SIPA1L1: variants seen among roughly 807,000 people sequenced by gnomAD.
The protein encoded by SIPA1L1 is signal induced proliferation associated 1 like 1, also known as signal-induced proliferation-associated 1-like protein 1.
Under a neutral mutation model 162.7 loss-of-function variants are expected in SIPA1L1, and 26 were observed. The observed-to-expected ratio is 0.16, with a 90% CI of 0.12 to 0.22. The LOEUF (loss-of-function observed/expected upper bound fraction) is 0.22, where lower values mean the gene tolerates loss of function less well. Among genes scored for constraint, SIPA1L1 ranks in the 10% least tolerant of loss-of-function variants. The pLI, the probability that SIPA1L1 is intolerant of heterozygous loss-of-function variation, is 1.00. For missense variants in SIPA1L1, 1,874 were observed against 2,241.0 expected (o/e 0.84, Z 3.31); for synonymous variants, 829 against 837.4 (o/e 0.99, Z 0.17).
chr14:71,550,683 A>C (rs968138801), intron 4 of SIPA1L1, among the ~76,000 whole-genome samples: 2 of 151,568 alleles, frequency 1.3e-5, no homozygotes, highest in African/African-American at 2.4e-5. Flanking sequence ...CTTGTTCCTA[A>C]CTCTGCTTAT....
At chr14:71,337,707 C>T (rs1002462537) in intron 2 of SIPA1L1, among the ~76,000 whole-genome samples, 9 of 152,058 alleles carry the variant, frequency 5.9e-5, no homozygotes, top group African/African-American at 1.9e-4. Context: ...ACAGCCAAAC[C>T]GTATCAGAGG....
intron 2 of SIPA1L1, among the ~76,000 whole-genome samples, chr14:71,465,736 C>G (rs2046944415): frequency 6.6e-6 from 1 of 152,084 alleles, no homozygotes; most frequent in Non-Finnish European, 1.5e-5. Flanking sequence ...AGGGACAGAA[C>G]TAAGGGGAGT....
At chr14:71,666,749 G>A (rs1166734797) in intron 10 of SIPA1L1, among the ~76,000 whole-genome samples, 1 of 151,908 alleles carries the variant, frequency 6.6e-6, no homozygotes, top group East Asian at 1.9e-4. Context: ...GTTAAACAGT[G>A]CAGTGGGAAG....
At chr14:71,572,054 C>T (rs927644992) in intron 4 of SIPA1L1, among the ~76,000 whole-genome samples, 9 of 152,122 alleles carry the variant, frequency 5.9e-5, no homozygotes, top group South Asian at 2.1e-4. Context: ...CCCGAGAAGG[C>T]GATGGAGGGC....
At chr14:71,397,406 TTA>T (rs1210785049) in intron 2 of SIPA1L1, among the ~76,000 whole-genome samples, 1 of 151,836 alleles carries the variant, frequency 6.6e-6, no homozygotes, top group Admixed American at 6.6e-5. Flanking sequence ...TAGTATTTCT[TTA>T]TATATATATA....
chr14:71,361,050 G>A (rs895612035), intron 2 of SIPA1L1, among the ~76,000 whole-genome samples: 2 of 151,954 alleles, frequency 1.3e-5, no homozygotes, highest in East Asian at 3.8e-4. Flanking sequence ...AATTATACTG[G>A]TATGGAGAAA....
chr14:71,485,347 G>T (rs954530440), intron 2 of SIPA1L1, among the ~76,000 whole-genome samples: 1 of 152,196 alleles, frequency 6.6e-6, no homozygotes, highest in African/African-American at 2.4e-5. Flanking sequence ...TGCGTAGCAG[G>T]AGGTGAGCAG....
intron 5 of SIPA1L1, among the ~76,000 whole-genome samples, chr14:71,598,778 C>G (rs2036354163): frequency 6.6e-6 from 1 of 152,138 alleles, no homozygotes; most frequent in Non-Finnish European, 1.5e-5. Flanking sequence ...TATCCATCAC[C>G]TTGAGTATCA....
chr14:71,564,134 A>G lies in SIPA1L1; in HGVS notation c.-302-23437A>G, dbSNP rs552957721. Reference sequence around the variant, plus strand: ...GCCAATTTTTAAATTTGTTTTTTTGAGATGGAGTCTTGCTATGTTTTCTAG... The same window carrying G: ...GCCAATTTTTAAATTTGTTTTTTTGGGATGGAGTCTTGCTATGTTTTCTAG... On this transcript the variant is annotated intron_variant, in intron 4 of 23. Transcript: ENST00000381232. Among the ~76,000 whole-genome samples, 5 of 152,040 alleles carry G rather than the reference A, an allele frequency of 3.3e-5. No homozygotes were observed. In the South Asian group the frequency reaches 6.2e-4, roughly 19 times the overall value.
At chr14:71,464,045 C>CAGAGA (rs1156690817) in intron 2 of SIPA1L1, among the ~76,000 whole-genome samples, 2 of 152,164 alleles carry the variant, frequency 1.3e-5, no homozygotes, top group Non-Finnish European at 2.9e-5. Context: ...ATCTGACATA[C>CAGAGA]AGAGAAGAGC....
intron 2 of SIPA1L1, among the ~76,000 whole-genome samples, chr14:71,346,991 G>T (rs1452421009): frequency 6.7e-6 from 1 of 148,238 alleles, no homozygotes; most frequent in Non-Finnish European, 1.5e-5. Context: ...TTGCTCTGTT[G>T]CCCAGGCTGG....
chr14:71,513,974 G>A (rs371799003), intron 3 of SIPA1L1, among the ~76,000 whole-genome samples: 1 of 152,102 alleles, frequency 6.6e-6, no homozygotes, highest in African/African-American at 2.4e-5. Context: ...TACCGGCGGC[G>A]AATCCGTACG....
At chr14:71,737,965 C>A (rs933580778) in intron 22 of SIPA1L1, among the ~76,000 whole-genome samples, 3 of 152,150 alleles carry the variant, frequency 2.0e-5, no homozygotes, top group Non-Finnish European at 4.4e-5. Context: ...AGACCATTTT[C>A]ACTATTGTGC....
chr14:71,407,609 T>G (rs1336147227), intron 2 of SIPA1L1, among the ~76,000 whole-genome samples: 1 of 151,104 alleles, frequency 6.6e-6, no homozygotes, highest in Non-Finnish European at 1.5e-5. Context: ...TGGGCCCCAA[T>G]GATCCTCCCA....
intron 2 of SIPA1L1, among the ~76,000 whole-genome samples, chr14:71,401,221 A>G (rs1595245244): frequency 6.6e-6 from 1 of 152,302 alleles, no homozygotes; most frequent in East Asian, 1.9e-4. Flanking sequence ...ACTAAAACTG[A>G]TGTTTTTCCA....
At chr14:71,647,190 GA>G (rs1334848295) in intron 7 of SIPA1L1, among the ~76,000 whole-genome samples, 5 of 152,008 alleles carry the variant, frequency 3.3e-5, no homozygotes, top group Non-Finnish European at 5.9e-5. Flanking sequence ...CAAACCAGAG[GA>G]AACTTGACAT....
intron 8 of SIPA1L1, among the ~76,000 whole-genome samples, chr14:71,653,012 A>C (rs1231103402): frequency 6.6e-6 from 1 of 151,920 alleles, no homozygotes; most frequent in East Asian, 1.9e-4. Context: ...AAGATGTTGG[A>C]TATTGTAAAT....
At chr14:71,354,557 G>A (rs1379300905) in intron 2 of SIPA1L1, among the ~76,000 whole-genome samples, 1 of 151,312 alleles carries the variant, frequency 6.6e-6, no homozygotes, top group Non-Finnish European at 1.5e-5. Flanking sequence ...GATTATGGGC[G>A]TGAGCCACCG....
chr14:71,504,306 C>T (rs1440416545), intron 2 of SIPA1L1, among the ~76,000 whole-genome samples: 1 of 152,074 alleles, frequency 6.6e-6, no homozygotes, highest in Admixed American at 6.5e-5. Context: ...TTATGTTCTG[C>T]ATTTATGAGC....
Sources: allele counts gnomAD v4.1 joint callset (sites outside exome capture counted in the v4.1 genomes callset), GRCh38; gene constraint gnomAD v4.1.1; transcripts MANE v1.5; gene names NCBI Gene and HGNC (gene_info 2026-07-23, HGNC 2026-07-21).